Variants in NPFFR1 observed in about 807,000 individuals in gnomAD.
NPFFR1 encodes the protein neuropeptide FF receptor 1.
Under a neutral mutation model 12.7 loss-of-function variants are expected in NPFFR1, and 17 were observed. The observed-to-expected ratio is 1.34, with a 90% confidence interval of 0.92 to 2.01. The LOEUF (loss-of-function observed/expected upper bound fraction) is 2.01. NPFFR1 is among the 30% of genes most tolerant of loss of function. The probability of loss-of-function intolerance (pLI) is 0.00; values close to 1 mark genes in which losing one functional copy is unlikely to be tolerated. For synonymous variants in NPFFR1, 296 were observed against 264.5 expected, an observed-to-expected ratio of 1.12 and a Z score of -1.16; for missense variants, 604 against 606.5, an observed-to-expected ratio of 1.00 and a Z score of 0.04.
intron 2 of NPFFR1, among the ~76,000 whole-genome samples, chr10:70,264,592 A>G (rs970109095): frequency 6.6e-6 from 1 of 152,174 alleles, no homozygotes; most frequent in Admixed American, 6.5e-5. Flanking sequence ...TCTTTTTTAC[A>G]GCATACATGG....
chr10:70,282,307 C>T (rs571789714), intron 1 of NPFFR1, among the ~76,000 whole-genome samples: 1 of 152,256 alleles, frequency 6.6e-6, no homozygotes, highest in South Asian at 2.1e-4. Flanking sequence ...GAGCAGATTC[C>T]TTCTTGTTAT....
intron 1 of NPFFR1, among the ~76,000 whole-genome samples, chr10:70,274,608 C>T (rs1006581178): frequency 2.0e-5 from 3 of 152,124 alleles, no homozygotes; most frequent in Non-Finnish European, 4.4e-5. Flanking sequence ...ACCCTAAGCC[C>T]CCATGCCACC....
intron 2 of NPFFR1, among the ~76,000 whole-genome samples, chr10:70,264,024 T>C (rs1242811633): frequency 6.6e-6 from 1 of 151,928 alleles, no homozygotes; most frequent in Non-Finnish European, 1.5e-5. Context: ...AGGTTGAGAC[T>C]GCAGTAAGCC....
rs185459006 is a variant in NPFFR1 at position 70,269,627 on chromosome 10, G to A, written c.8-3236C>T. 6.4e-3 allele frequency among the ~76,000 whole-genome samples: 961 copies of A among 151,298 alleles called. 10 individuals are homozygous for A. Among genetic ancestry groups the A allele is most frequent in the African/African-American group, 0.022 (898 of 41,196 alleles). On this transcript the variant is annotated intron_variant, in intron 1 of 3. Transcript: ENST00000277942. The stretch of plus-strand genomic sequence containing the variant: ...CCTGGGTTCAAGTGATTCTCCTGCC[G>A]TAGCCTCCTGAGTAGCTGGGATTAC...
In NPFFR1 at chr10:70,254,864, A is replaced by G. The variant is rs1404197173; in HGVS notation, c.*93T>C. The G allele has an allele frequency of 5.4e-6, 7 of 1,305,036 alleles. No homozygotes were observed. Among genetic ancestry groups the G allele is most frequent in the Non-Finnish European group, 6.9e-6 (7 of 1,021,216 alleles). The allele number at this position is 1,305,036 out of a possible 1,614,324, so 80.8% of individuals were successfully genotyped here. On this transcript the variant is annotated 3_prime_UTR_variant, in exon 4 of 4. Coordinates refer to ENST00000277942, the MANE Select transcript of NPFFR1 (RefSeq NM_022146.5). ...GGCTCTGGAGAGGGAGGGACCACGC[A>G]TCCTCACCTAACCACACCAGGCCGC... is the stretch of plus-strand genomic sequence containing the variant.
At chr10:70,280,958 C>T (rs1398006766) in intron 1 of NPFFR1, among the ~76,000 whole-genome samples, 5 of 152,168 alleles carry the variant, frequency 3.3e-5, no homozygotes, top group African/African-American at 9.7e-5. Context: ...GCCGAGAACA[C>T]GCCACTGCAC....
At position 70,263,160 on chromosome 10, in the gene NPFFR1, G is replaced by A. The variant is rs182021481; in HGVS notation, c.323-2421C>T. Among the ~76,000 whole-genome samples, 405 of 152,138 alleles carry A rather than the reference G, an allele frequency of 2.7e-3. 6 individuals are homozygous for A. Among genetic ancestry groups the A allele is most frequent in the African/African-American group, 9.2e-3 (380 of 41,504 alleles). On this transcript the variant is annotated intron_variant, in intron 2 of 3. Coordinates refer to ENST00000277942, the MANE Select transcript of NPFFR1 (RefSeq NM_022146.5). ...CCAGCCTTGGTGACAGAGCAAGACC[G>A]TGTCTTTTTAAAAAGCAACAACAAC...
chr10:70,277,118 C>A (rs1400953855), intron 1 of NPFFR1, among the ~76,000 whole-genome samples: 1 of 152,240 alleles, frequency 6.6e-6, no homozygotes, highest in South Asian at 2.1e-4. Context: ...TCAGACAGAT[C>A]ATGGTCCCAA....
intron 1 of NPFFR1, among the ~76,000 whole-genome samples, chr10:70,278,201 G>T (rs1406414515): frequency 6.6e-6 from 1 of 151,920 alleles, no homozygotes; most frequent in Non-Finnish European, 1.5e-5. Flanking sequence ...GTGAGCCCCT[G>T]TCCCCAGAAT....
intron 1 of NPFFR1, among the ~76,000 whole-genome samples, chr10:70,280,844 A>C (rs1379159688): frequency 6.6e-6 from 1 of 152,126 alleles, no homozygotes; most frequent in Non-Finnish European, 1.5e-5. Context: ...TCTACTAAAA[A>C]CACAAAAATT....
Position 70,265,232 on chromosome 10 carries a change from C to G in NPFFR1, c.322+845G>C, listed in dbSNP as rs76014216. Among the ~76,000 whole-genome samples, 1,438 of 152,316 alleles carry G rather than the reference C, an allele frequency of 9.4e-3. 23 individuals carry two copies. Among genetic ancestry groups the G allele is most frequent in the African/African-American group, 0.033 (1,375 of 41,558 alleles). On this transcript the variant is annotated intron_variant, in intron 2 of 3. Transcript: ENST00000277942. ...CACTCTGAATAGGGCTGTCCAGGCT[C>G]TGGATCCTGAGGACCAGTGAGCTGC...
intron 2 of NPFFR1, among the ~76,000 whole-genome samples, chr10:70,261,230 G>C (rs890749479): frequency 6.6e-6 from 1 of 152,082 alleles, no homozygotes; most frequent in Non-Finnish European, 1.5e-5. Flanking sequence ...CACGAGATCT[G>C]ATGGTTTTAT....
At chr10:70,270,224 A>G (rs993170127) in intron 1 of NPFFR1, among the ~76,000 whole-genome samples, 2 of 152,234 alleles carry the variant, frequency 1.3e-5, no homozygotes, top group Non-Finnish European at 1.5e-5. Flanking sequence ...GGAAAAAAAG[A>G]AAGGAAGGTG....
rs1840527966 is a variant in NPFFR1 at position 70,253,161 on chromosome 10, G to A, written c.*1796C>T. 1 of 152,374 alleles carries A rather than the reference G, an allele frequency of 6.6e-6. No homozygotes were observed. The highest frequency in any genetic ancestry group is 2.4e-5 in the African/African-American group (1 of 41,388). 9.4% of individuals were successfully genotyped at this position (152,374 alleles called of 1,614,324 possible). A position where few individuals can be genotyped will look rare whatever the true frequency, so the allele number is the denominator to read the frequency against. On this transcript the variant is annotated 3_prime_UTR_variant, in exon 4 of 4. Transcript: ENST00000277942. ...CTCAGACCCTCATCCATCACCCCCA[G>A]AACCAGGACAAGGTCATGATGGCTC...
At chr10:70,282,076 C>G (rs2136813752) in intron 1 of NPFFR1, among the ~76,000 whole-genome samples, 1 of 152,300 alleles carries the variant, frequency 6.6e-6, no homozygotes, top group East Asian at 1.9e-4. Flanking sequence ...CCTTCATTCT[C>G]TGTAGTTTCC....
In NPFFR1 at chr10:70,251,213, T is replaced by C. The variant is rs1465517437; in HGVS notation, c.*3744A>G. Reference sequence around the variant, plus strand: ...AGCTGAGGAAACGGGTGCAAAAAGGTACAGAGCTTAATAGCAATCCTTTGT... The same window carrying C: ...AGCTGAGGAAACGGGTGCAAAAAGGCACAGAGCTTAATAGCAATCCTTTGT... On this transcript the variant is annotated 3_prime_UTR_variant, in exon 4 of 4. Coordinates refer to ENST00000277942, the MANE Select transcript of NPFFR1 (RefSeq NM_022146.5). 3 of 152,236 alleles carry C rather than the reference T, an allele frequency of 2.0e-5. No individual in the cohort carries two copies. Among genetic ancestry groups the C allele is most frequent in the African/African-American group, 7.2e-5 (3 of 41,458 alleles). The allele number at this position is 152,236 out of a possible 1,614,324, so 9.4% of individuals were successfully genotyped here.
intron 1 of NPFFR1, among the ~76,000 whole-genome samples, chr10:70,272,111 T>A (rs1840749043): frequency 7.5e-6 from 1 of 133,550 alleles, no homozygotes; most frequent in Non-Finnish European, 1.6e-5. Context: ...AGCGAGACTC[T>A]GCCTCAAAAA....
At chr10:70,282,538 C>G (rs75933642) in intron 1 of NPFFR1, among the ~76,000 whole-genome samples, 2,527 of 152,272 alleles carry the variant, frequency 0.017, 31 homozygotes, top group Middle Eastern at 0.044. Flanking sequence ...TTCTATAAAA[C>G]TTGATTTTAT....
intron 1 of NPFFR1, among the ~76,000 whole-genome samples, chr10:70,269,459 T>C (rs1426803809): frequency 6.6e-6 from 1 of 151,928 alleles, no homozygotes; most frequent in Admixed American, 6.6e-5. Context: ...GCCATCAGCT[T>C]TTAACATAAT....
Sources: allele counts gnomAD v4.1 joint callset (sites outside exome capture counted in the v4.1 genomes callset), GRCh38; gene constraint gnomAD v4.1.1; transcripts MANE v1.5; gene names NCBI Gene and HGNC (gene_info 2026-07-23, HGNC 2026-07-21).